Variants in EPHA6 observed in about 807,000 individuals in gnomAD.
The protein encoded by EPHA6 is EPH receptor A6, also known as ephrin type-A receptor 6.
In EPHA6, 50 loss-of-function variants were observed where a neutral mutation model predicts 112.0. That is an observed-to-expected ratio of 0.45 (90% CI 0.36 to 0.56). The LOEUF is 0.56. Among genes scored for constraint, EPHA6 ranks in the 20% least tolerant of loss-of-function variants. The pLI is 0.00. For missense variants in EPHA6, 1,280 were observed against 1,417.4 expected, an observed-to-expected ratio of 0.90 and a Z score of 1.56; for synonymous variants, 529 against 490.7, an observed-to-expected ratio of 1.08 and a Z score of -1.03.
At chr3:96,817,357 A>G (rs1165401377) in intron 1 of EPHA6, among the ~76,000 whole-genome samples, 1 of 151,844 alleles carries the variant, frequency 6.6e-6, no homozygotes, top group African/African-American at 2.4e-5. Context: ...TTTTAGGGAT[A>G]TTTTCCTTAC....
chr3:97,666,282 T>A (rs1349920278), intron 14 of EPHA6, among the ~76,000 whole-genome samples: 1 of 152,226 alleles, frequency 6.6e-6, no homozygotes, highest in East Asian at 1.9e-4. Flanking sequence ...GGAGAGAGAT[T>A]GTGCTTTTAT....
intron 12 of EPHA6, among the ~76,000 whole-genome samples, chr3:97,607,199 AAC>A (rs1491166474): frequency 6.7e-6 from 1 of 150,226 alleles, no homozygotes; most frequent in Non-Finnish European, 1.5e-5. Context: ...AAAAAAAAAA[AAC>A]ACAAAAAGAT....
chr3:97,521,062 A>G (rs9858567), intron 10 of EPHA6, among the ~76,000 whole-genome samples: 2,338 of 151,256 alleles, frequency 0.015, 72 homozygotes, highest in African/African-American at 0.054. Flanking sequence ...CTTTTTTTAT[A>G]ATATCTATCT....
At chr3:97,588,057 A>T (rs1260530455) in intron 11 of EPHA6, among the ~76,000 whole-genome samples, 6 of 152,214 alleles carry the variant, frequency 3.9e-5, no homozygotes, top group Non-Finnish European at 5.9e-5. Flanking sequence ...TATTTTATTT[A>T]TAATTTATTT....
intron 6 of EPHA6, among the ~76,000 whole-genome samples, chr3:97,445,377 CATTT>C (rs1366383954): frequency 5.3e-5 from 8 of 152,030 alleles, no homozygotes; most frequent in Admixed American, 4.6e-4. Context: ...CACTTTATGC[CATTT>C]ATTTACTCCC....
At chr3:97,583,277 T>C (rs2093456155) in intron 11 of EPHA6, among the ~76,000 whole-genome samples, 1 of 152,014 alleles carries the variant, frequency 6.6e-6, no homozygotes, top group African/African-American at 2.4e-5. Flanking sequence ...CGGTGGCTCA[T>C]GCCTGTAATC....
intron 7 of EPHA6, among the ~76,000 whole-genome samples, chr3:97,470,260 G>T (rs1424438075): frequency 6.6e-6 from 1 of 151,484 alleles, no homozygotes; most frequent in Non-Finnish European, 1.5e-5. Context: ...TAATTTACTG[G>T]GTATCATCAA....
chr3:97,007,546 T>TG (rs1291628767), intron 3 of EPHA6, among the ~76,000 whole-genome samples: 5 of 152,180 alleles, frequency 3.3e-5, no homozygotes, highest in African/African-American at 1.2e-4. Context: ...CGATGGGTCT[T>TG]GACTCCTTAT....
At chr3:96,913,161 T>TAC (rs768422240) in intron 2 of EPHA6, among the ~76,000 whole-genome samples, 8,487 of 123,046 alleles carry the variant, frequency 0.069, 258 homozygotes, top group South Asian at 0.096. Context: ...AGACCCCGTC[T>TAC]ACACACACAC....
chr3:97,181,100 G>C (rs779040490), intron 3 of EPHA6, among the ~76,000 whole-genome samples: 2 of 152,010 alleles, frequency 1.3e-5, no homozygotes, highest in Non-Finnish European at 2.9e-5. Flanking sequence ...TGATCTTTTT[G>C]TGGGTGGGCA....
chr3:97,593,720 T>G (rs2093564369), intron 12 of EPHA6, among the ~76,000 whole-genome samples: 1 of 152,208 alleles, frequency 6.6e-6, no homozygotes, highest in Non-Finnish European at 1.5e-5. Flanking sequence ...TATTCTACAC[T>G]GATATTTTTC....
chr3:97,303,873 A>G (rs1247073887), intron 5 of EPHA6, among the ~76,000 whole-genome samples: 1 of 152,028 alleles, frequency 6.6e-6, no homozygotes, highest in Non-Finnish European at 1.5e-5. Context: ...CCTATCCATG[A>G]GCATGGAATG....
intron 5 of EPHA6, among the ~76,000 whole-genome samples, chr3:97,390,726 C>G (rs2086350868): frequency 6.6e-6 from 1 of 151,776 alleles, no homozygotes; most frequent in African/African-American, 2.4e-5. Flanking sequence ...AAAATTTCAC[C>G]AATTAGAATT....
intron 5 of EPHA6, among the ~76,000 whole-genome samples, chr3:97,252,752 C>T (rs2079179311): frequency 6.6e-6 from 1 of 152,170 alleles, no homozygotes; most frequent in African/African-American, 2.4e-5. Context: ...CATTTGTATT[C>T]ACTTTAAAAA....
chr3:96,974,672 G>T lies in EPHA6; in HGVS notation c.451-12658G>T, dbSNP rs541772348. Among the ~76,000 whole-genome samples, 46 of 152,052 alleles carry T rather than the reference G, an allele frequency of 3.0e-4. 1 individual carries two copies. Among genetic ancestry groups the T allele is most frequent in the African/African-American group, 8.7e-4 (36 of 41,506 alleles). On this transcript the variant is annotated intron_variant, in intron 2 of 17. Coordinates refer to ENST00000389672, the MANE Select transcript of EPHA6 (RefSeq NM_001080448.3). ...TAAATAGAACAGAGAGACTCATTTT[G>T]TCTTATGTTCATTTTATGAATCCTT...
Position 96,830,021 on chromosome 3 carries a change from A to C in EPHA6, c.385+15013A>C, listed in dbSNP as rs533268841. Reference sequence around the variant, plus strand: ...GTATGCTATTTGCTCCATAAACTTAAGTTCTTTTTCACTAGAGTGCAGTGG... The same window carrying C: ...GTATGCTATTTGCTCCATAAACTTACGTTCTTTTTCACTAGAGTGCAGTGG... On this transcript the variant is annotated intron_variant, in intron 1 of 17. Transcript: ENST00000389672. Among the ~76,000 whole-genome samples, 12 of 151,518 alleles carry C rather than the reference A, an allele frequency of 7.9e-5. No homozygotes were observed. In the South Asian group the frequency reaches 2.3e-3, roughly 29 times the overall value.
chr3:97,761,271 T>A lies in EPHA6; in HGVS notation c.*12570T>A, dbSNP rs990452225. 1.0e-5 allele frequency: 2 copies of A among 195,740 alleles called. No individual in the cohort carries two copies. The highest frequency in any genetic ancestry group is 4.6e-5 in the African/African-American group (2 of 43,252). 12.1% of individuals were successfully genotyped at this position (195,740 alleles called of 1,614,324 possible). On this transcript the variant is annotated 3_prime_UTR_variant, in exon 18 of 18. Coordinates refer to ENST00000389672, the MANE Select transcript of EPHA6 (RefSeq NM_001080448.3). ...GCATGCTTACAAGTTAATAGTGTTATAGAATGCTCAGCTCTCAATATGAGG... is the reference window on the plus strand; with the variant it reads ...GCATGCTTACAAGTTAATAGTGTTAAAGAATGCTCAGCTCTCAATATGAGG...
chr3:97,459,597 C>T (rs1450326247), intron 7 of EPHA6, among the ~76,000 whole-genome samples: 1 of 152,280 alleles, frequency 6.6e-6, no homozygotes, highest in Middle Eastern at 3.4e-3. Flanking sequence ...GTTTTGGAGA[C>T]AGGCAATCCA....
At chr3:97,520,120 A>G (rs902941593) in intron 10 of EPHA6, among the ~76,000 whole-genome samples, 1 of 151,844 alleles carries the variant, frequency 6.6e-6, no homozygotes. Flanking sequence ...GGCACCCGCC[A>G]CCACGCCCAG....
Sources: gnomAD v4.1 joint callset for allele counts (sites outside exome capture counted in the v4.1 genomes callset) on GRCh38, gnomAD v4.1.1 for gene constraint, MANE v1.5 for transcripts, NCBI Gene and HGNC (gene_info 2026-07-23, HGNC 2026-07-21) for gene names.